Variants in SEMA5B observed in about 807,000 individuals in gnomAD.
SEMA5B encodes semaphorin-5B.
A neutral mutation model predicts 135.0 loss-of-function variants in SEMA5B; 66 were observed. The observed-to-expected ratio is 0.49, with a 90% confidence interval of 0.40 to 0.60. The LOEUF is 0.60. Ranked by LOEUF, SEMA5B falls within the 20% of genes least tolerant of loss-of-function variation. The pLI is 0.00. For missense variants in SEMA5B, 1,501 were observed against 1,566.3 expected (o/e 0.96, Z 0.70); for synonymous variants, 690 against 639.5 (o/e 1.08, Z -1.19).
chr3:122,910,289 T>G lies in SEMA5B; in HGVS notation c.3310A>C (p.Asn1104His). ...GCTCTGTCATCAGGGATCAAGTTAT[T>G]CTTGTTCAGGGTCTGTGGGTGGAAG... The part of the protein sequence containing the change: ...TPMEFKTLNK[N>H]NLIPDDRANF... Residue 1104 changes from asparagine (N) to histidine (H), a missense_variant, in exon 23 of 23, where the codon AAT becomes CAT. Around this residue, in one of 2 missense-constraint regions of SEMA5B, gnomAD observed 927 missense variants for 881.6 expected, o/e 1.05. Transcript: ENST00000357599. 1.2e-6 allele frequency: 2 copies of G among 1,614,136 alleles called. No individual in the cohort carries two copies. The highest frequency in any genetic ancestry group is 1.7e-6 in the Non-Finnish European group (2 of 1,180,010).
At chr3:122,957,750 C>T (rs1940395537) in intron 2 of SEMA5B, among the ~76,000 whole-genome samples, 1 of 152,218 alleles carries the variant, frequency 6.6e-6, no homozygotes, top group Non-Finnish European at 1.5e-5. Context: ...GGTCCCCCTG[C>T]CACTGCCAGT....
chr3:123,022,600 C>A (rs73859436), intron 1 of SEMA5B, among the ~76,000 whole-genome samples: 399 of 152,308 alleles, frequency 2.6e-3, no homozygotes, highest in African/African-American at 9.0e-3. Flanking sequence ...CTGACCCAGT[C>A]CCCATCCCAG....
chr3:122,941,971 T>C (rs755983201), intron 4 of SEMA5B, among the ~76,000 whole-genome samples: 2 of 152,176 alleles, frequency 1.3e-5, no homozygotes, highest in African/African-American at 2.4e-5. Flanking sequence ...TCCTGTATAG[T>C]TGCATATGGA....
chr3:122,975,093 A>G (rs1941270783), intron 1 of SEMA5B: 1 of 152,196 alleles, frequency 6.6e-6, no homozygotes, highest in African/African-American at 2.4e-5. Context: ...AAACCGTGTC[A>G]TTTTCTTACC....
chr3:122,989,464 T>A (rs577209806), intron 1 of SEMA5B, among the ~76,000 whole-genome samples: 38 of 152,362 alleles, frequency 2.5e-4, no homozygotes, highest in Non-Finnish European at 5.3e-4. Flanking sequence ...CTGGTAAGGC[T>A]TCCTGATTCC....
intron 2 of SEMA5B, among the ~76,000 whole-genome samples, chr3:122,956,618 C>G (rs981850739): frequency 3.3e-5 from 5 of 152,122 alleles, no homozygotes; most frequent in African/African-American, 1.2e-4. Flanking sequence ...TGAATTCCCC[C>G]ACAGAGCGCA....
chr3:122,910,390 G>A (rs775966019), intron 22 of SEMA5B, 89 bp from the exon 23 acceptor site: 30 of 1,373,228 alleles, frequency 2.2e-5, no homozygotes, highest in Admixed American at 1.9e-4. Flanking sequence ...GAAGCCAGCC[G>A]TGCAAGAACA....
At chr3:122,928,084 C>A in intron 7 of SEMA5B, 81 bp from the exon 8 acceptor site, 1 of 1,036,008 alleles carries the variant, frequency 9.7e-7, no homozygotes. Flanking sequence ...TTTGTTTCCT[C>A]CTGTGCCCCA....
chr3:122,963,144 G>C (rs1049627150), intron 1 of SEMA5B, among the ~76,000 whole-genome samples: 1 of 152,198 alleles, frequency 6.6e-6, no homozygotes, highest in African/African-American at 2.4e-5. Flanking sequence ...TCATTTCTGG[G>C]ATGCTAATGA....
chr3:123,020,912 G>A (rs959744409), intron 1 of SEMA5B, among the ~76,000 whole-genome samples: 2 of 152,240 alleles, frequency 1.3e-5, no homozygotes, highest in African/African-American at 4.8e-5. Context: ...GGCCCAGCAG[G>A]AAAGTGAGGA....
chr3:122,950,956 C>T (rs1940019722), intron 2 of SEMA5B, among the ~76,000 whole-genome samples: 1 of 152,136 alleles, frequency 6.6e-6, no homozygotes, highest in Non-Finnish European at 1.5e-5. Context: ...TTTAGAGAGA[C>T]AGGGTCTTGC....
intron 2 of SEMA5B, among the ~76,000 whole-genome samples, chr3:122,949,463 CT>C (rs1474326927): frequency 6.6e-6 from 1 of 152,232 alleles, no homozygotes; most frequent in Non-Finnish European, 1.5e-5. Context: ...GCAAGTTGCC[CT>C]TGCTCATTCC....
chr3:122,971,187 C>A (rs1941098194), intron 1 of SEMA5B, among the ~76,000 whole-genome samples: 1 of 152,220 alleles, frequency 6.6e-6, no homozygotes, highest in Admixed American at 6.5e-5. Flanking sequence ...TACATCAGAG[C>A]AGGATGGGAG....
intron 1 of SEMA5B, among the ~76,000 whole-genome samples, chr3:122,981,568 T>C (rs1941521654): frequency 6.6e-6 from 1 of 152,214 alleles, no homozygotes; most frequent in Non-Finnish European, 1.5e-5. Flanking sequence ...GAGGTCCCCA[T>C]TCTCTTCTCA....
In SEMA5B at chr3:122,943,430, T is replaced by C; in HGVS notation, c.428+6A>G. 1 of 1,589,748 alleles carries C rather than the reference T, an allele frequency of 6.3e-7. No individual in the cohort carries two copies. The highest frequency in any genetic ancestry group is 1.1e-5 in the South Asian group (1 of 87,262). On this transcript the variant is annotated splice_donor_region_variant and intron_variant, in intron 4 of 22. Coordinates refer to ENST00000357599, the MANE Select transcript of SEMA5B (RefSeq NM_001031702.4). ...TTCCCACCCCGACCCTTCTGCCCCT[T>C]GTTACCTGGCTCCCACGATGAGCTG...
intron 21 of SEMA5B, 156 bp downstream of exon 21, chr3:122,911,335 G>T: frequency 6.5e-7 from 1 of 1,535,616 alleles, no homozygotes. Context: ...GGCATGGAGG[G>T]AACTGCCCAG....
chr3:122,911,277 A>T (rs1354673905), intron 21 of SEMA5B: 4 of 1,382,012 alleles, frequency 2.9e-6, no homozygotes, highest in Non-Finnish European at 3.9e-6. Context: ...CTAGAGTCAG[A>T]TGACTCTTCC....
At position 122,912,013 on chromosome 3, in the gene SEMA5B, G is replaced by T. The variant is rs372681601; in HGVS notation, c.2953C>A (p.Arg985=). 3 of 1,613,644 alleles carry T rather than the reference G, an allele frequency of 1.9e-6. No homozygotes were observed. In the African/African-American group the frequency reaches 4.0e-5, roughly 22 times the overall value. Residue 985 remains arginine, a synonymous_variant, in exon 20 of 23, where the codon CGA becomes AGA. Transcript: ENST00000357599. ...AGGAGCTCCTCACAGTGCCGGCTTC[G>T]GCTCTGGGCTCCGTCGTCAGTGCAC... ...SKCTDDGAQS[R]SRHCEELLPG...
intron 8 of SEMA5B, among the ~76,000 whole-genome samples, chr3:122,927,291 A>G (rs963481602): frequency 1.3e-5 from 2 of 152,158 alleles, no homozygotes; most frequent in African/African-American, 4.8e-5. Context: ...GGCTCAGGGC[A>G]TCCTATCACC....
Sources: gnomAD v4.1 joint callset for allele counts (sites outside exome capture counted in the v4.1 genomes callset) on GRCh38, gnomAD v4.1.1 for gene constraint, gnomAD v4.1.1 regional missense constraint, MANE v1.5 for transcripts, NCBI Gene and HGNC (gene_info 2026-07-23, HGNC 2026-07-21) for gene names.